The following ZNF544 variants were observed in gnomAD, a reference collection of about 807,000 sequenced individuals.
ZNF544 encodes the protein zinc finger protein 544, also known as zinc finger protein AF020591.
ZNF544 carries 10 observed loss-of-function variants against 13.5 expected under a neutral mutation model. The observed-to-expected ratio is 0.74, with a 90% CI of 0.46 to 1.25. ZNF544 has a LOEUF of 1.25. Among genes scored for constraint, ZNF544 ranks in the 50% most tolerant of loss-of-function variants. The pLI, the probability that ZNF544 is intolerant of heterozygous loss-of-function variation, is 0.00. For missense variants in ZNF544, 896 were observed against 845.6 expected (o/e 1.06, Z -0.74); for synonymous variants, 323 against 300.5 (o/e 1.07, Z -0.77).
At chr19:58,238,737 T>C (rs1384383958) in intron 3 of ZNF544, among the ~76,000 whole-genome samples, 1 of 152,108 alleles carries the variant, frequency 6.6e-6, no homozygotes, top group Non-Finnish European at 1.5e-5. Context: ...GTAGGGATCA[T>C]TGTGGTGACC....
chr19:58,262,993 C>A lies in ZNF544; in HGVS notation c.*239C>A. 1 of 1,310,408 alleles carries A rather than the reference C, an allele frequency of 7.6e-7. No individual in the cohort carries two copies. The highest frequency in any genetic ancestry group is 9.7e-7 in the Non-Finnish European group (1 of 1,028,688). The allele number at this position is 1,310,408 out of a possible 1,614,324, so 81.2% of individuals were successfully genotyped here. A position where few individuals can be genotyped will look rare whatever the true frequency, so the allele number is the denominator to read the frequency against. On this transcript the variant is annotated 3_prime_UTR_variant, in exon 7 of 7. Coordinates refer to ENST00000687789, the MANE Select transcript of ZNF544 (RefSeq NM_014480.4). ...AGAGGACACACACTGGAGGCAAACC[C>A]TATGAATGTGACCATTGCGAGAAAG...
chr19:58,243,815 C>A (rs1001920031), intron 3 of ZNF544, 150 bp from the exon 4 acceptor site: 4 of 525,290 alleles, frequency 7.6e-6, no homozygotes, highest in Non-Finnish European at 1.3e-5. Context: ...CATCCCCGAG[C>A]CTGAGGTAGC....
chr19:58,239,176 G>A (rs929972119), intron 3 of ZNF544, among the ~76,000 whole-genome samples: 15 of 152,172 alleles, frequency 9.9e-5, no homozygotes, highest in African/African-American at 2.7e-4. Flanking sequence ...AGGCTTGCCC[G>A]CAAGGTTCTT....
At chr19:58,271,789 T>A (rs1298087094) in intron 5 of ZNF544, among the ~76,000 whole-genome samples, 1 of 152,168 alleles carries the variant, frequency 6.6e-6, no homozygotes, top group Non-Finnish European at 1.5e-5. Flanking sequence ...AAGCATTTGA[T>A]TTGTGGGATT....
intron 6 of ZNF544, among the ~76,000 whole-genome samples, chr19:58,255,151 G>C (rs946747179): frequency 2.0e-5 from 3 of 151,018 alleles, no homozygotes; most frequent in Admixed American, 2.0e-4. Flanking sequence ...GCCTCCCAAA[G>C]TGCTGGGATT....
chr19:58,246,969 G>A (rs980996364), intron 6 of ZNF544, among the ~76,000 whole-genome samples, 175 bp downstream of exon 6: 1 of 152,208 alleles, frequency 6.6e-6, no homozygotes, highest in Non-Finnish European at 1.5e-5. Context: ...TGCAGTTCAT[G>A]GCTTCCAGTG....
intron 6 of ZNF544, chr19:58,257,880 A>G (rs2047888359): frequency 6.6e-6 from 1 of 152,132 alleles, no homozygotes; most frequent in African/African-American, 2.4e-5. Flanking sequence ...CGTTTCCCCC[A>G]GGCTGGAGAT....
exon 7 of ZNF544, chr19:58,277,319 C>T: frequency 8.4e-7 from 1 of 1,187,058 alleles, no homozygotes; most frequent in Non-Finnish European, 1.1e-6. Context: ...GAGTCAGCTC[C>T]TCCGTCCCCA....
At chr19:58,240,528 A>T (rs753762584) in intron 3 of ZNF544, among the ~76,000 whole-genome samples, 3 of 152,000 alleles carry the variant, frequency 2.0e-5, no homozygotes, top group Non-Finnish European at 2.9e-5. Context: ...AAGTGCTGGG[A>T]TTATAGGCAT....
At position 58,233,680 on chromosome 19, in the gene ZNF544, C is replaced by T. The variant is rs2041823700; in HGVS notation, c.-60+3218C>T. Among the ~76,000 whole-genome samples the T allele has an allele frequency of 1.3e-5, 2 of 152,174 alleles. 1 individual carries two copies. Among genetic ancestry groups the T allele is most frequent in the South Asian group, 4.1e-4 (2 of 4,824 alleles). ...CCCCTCCTATATTAGATCTGTAAAT[C>T]ATTGAATTCCCTTGGTCCTGAGTCC... is the stretch of plus-strand genomic sequence containing the variant. On this transcript the variant is annotated intron_variant, in intron 3 of 6. Transcript: ENST00000687789.
chr19:58,276,360 A>C, exon 6 of ZNF544: 2 of 1,231,734 alleles, frequency 1.6e-6, no homozygotes, highest in Non-Finnish European at 2.0e-6. Flanking sequence ...TGGGACTCCC[A>C]ATAGAAGACA....
intron 4 of ZNF544, among the ~76,000 whole-genome samples, chr19:58,245,246 C>T (rs906176982): frequency 2.6e-5 from 4 of 151,266 alleles, no homozygotes; most frequent in Non-Finnish European, 4.4e-5. Flanking sequence ...GACCCCCTGT[C>T]ACCTTCTTGA....
At chr19:58,251,516 A>G (rs1046337704) in intron 6 of ZNF544, 3 of 381,972 alleles carry the variant, frequency 7.9e-6, no homozygotes, top group East Asian at 7.4e-5. Context: ...CCCTCCTTCT[A>G]TGTTTTAACA....
Position 58,247,871 on chromosome 19 carries a change from A to C in ZNF544, c.244+1077A>C, listed in dbSNP as rs116635181. 5.9e-3 allele frequency among the ~76,000 whole-genome samples: 899 copies of C among 151,680 alleles called. 9 individuals carry two copies. Among genetic ancestry groups the C allele is most frequent in the African/African-American group, 0.021 (854 of 41,346 alleles). On this transcript the variant is annotated intron_variant, in intron 6 of 6. Coordinates refer to ENST00000687789, the MANE Select transcript of ZNF544 (RefSeq NM_014480.4). ...GTGTCTCCTGCTGTTAACAACTTGG[A>C]TTTGTATTGTACATCTGTTACAATC...
At chr19:58,239,145 T>G (rs11883119) in intron 3 of ZNF544, among the ~76,000 whole-genome samples, 11,582 of 152,216 alleles carry the variant, frequency 0.076, 923 homozygotes, top group African/African-American at 0.19. Flanking sequence ...GCCTCAGGCT[T>G]AAGAGTCCTG....
At chr19:58,275,803 G>GAAA (rs1491254513) in intron 5 of ZNF544, among the ~76,000 whole-genome samples, 2 of 103,590 alleles carry the variant, frequency 1.9e-5, no homozygotes, top group African/African-American at 6.4e-5. Context: ...AAAAAAAAAA[G>GAAA]GAAAGAGGAA....
chr19:58,243,924 A>G, intron 3 of ZNF544, 41 bp from the exon 4 acceptor site: 24 of 1,482,958 alleles, frequency 1.6e-5, no homozygotes, highest in Non-Finnish European at 2.0e-5. Flanking sequence ...GGAGGTTTGC[A>G]GGAGCCGAGG....
intron 3 of ZNF544, among the ~76,000 whole-genome samples, chr19:58,235,592 TAAGA>T (rs982555411): frequency 6.6e-6 from 1 of 152,232 alleles, no homozygotes; most frequent in Non-Finnish European, 1.5e-5. Flanking sequence ...TGAAAATTGC[TAAGA>T]AAGTAAAATA....
rs539309943 is a variant in ZNF544 at position 58,263,030 on chromosome 19, C to T, written c.*276C>T. The T allele has an allele frequency of 3.3e-5, 38 of 1,165,344 alleles. No individual in the cohort carries two copies. The highest frequency in any genetic ancestry group is 2.2e-4 in the African/African-American group (14 of 63,364). 72.2% of individuals were successfully genotyped at this position (1,165,344 alleles called of 1,614,324 possible). A position where few individuals can be genotyped will look rare whatever the true frequency, so the allele number is the denominator to read the frequency against. On this transcript the variant is annotated 3_prime_UTR_variant, in exon 7 of 7. Coordinates refer to ENST00000687789, the MANE Select transcript of ZNF544 (RefSeq NM_014480.4). ...CCATTGCGAGAAAGCCTTTAGCCAA[C>T]GGTGTCAACTTACTAGGCAGCAGAG...
Sources: gnomAD v4.1 joint callset for allele counts (sites outside exome capture counted in the v4.1 genomes callset) on GRCh38, gnomAD v4.1.1 for gene constraint, MANE v1.5 for transcripts, NCBI Gene and HGNC (gene_info 2026-07-23, HGNC 2026-07-21) for gene names.